Variants in PIK3C2A observed in about 807,000 individuals in gnomAD.
The protein encoded by PIK3C2A is phosphatidylinositol 4-phosphate 3-kinase C2 domain-containing subunit alpha.
A neutral mutation model predicts 204.5 loss-of-function variants in PIK3C2A; 97 were observed. The observed-to-expected ratio is 0.47, with a 90% confidence interval of 0.40 to 0.56. The LOEUF (loss-of-function observed/expected upper bound fraction) is 0.56. PIK3C2A is among the 20% of genes least tolerant of loss of function. The pLI, the probability that PIK3C2A is intolerant of heterozygous loss-of-function variation, is 0.00. For missense variants in PIK3C2A, 1,735 were observed against 1,969.2 expected (o/e 0.88, Z 2.25); for synonymous variants, 653 against 664.4 (o/e 0.98, Z 0.26).
At chr11:17,127,462 C>T (rs539100635) in intron 13 of PIK3C2A, among the ~76,000 whole-genome samples, 4 of 152,174 alleles carry the variant, frequency 2.6e-5, no homozygotes, top group South Asian at 4.2e-4. Context: ...ATGTGCGCCA[C>T]CACACCTGGC....
intron 12 of PIK3C2A, among the ~76,000 whole-genome samples, chr11:17,130,138 T>C (rs1292406094): frequency 6.6e-6 from 1 of 152,144 alleles, no homozygotes; most frequent in African/African-American, 2.4e-5. Flanking sequence ...ATGTAAGAAT[T>C]CACACAAACA....
intron 1 of PIK3C2A, among the ~76,000 whole-genome samples, chr11:17,174,589 G>A (rs1163310145): frequency 1.1e-4 from 1 of 8,718 alleles, no homozygotes; most frequent in Non-Finnish European, 1.7e-4. Flanking sequence ...GCGAGACTCC[G>A]TCTCAAAAAA....
In PIK3C2A at chr11:17,114,444, C is replaced by T; in HGVS notation, c.3238G>A (p.Glu1080Lys). 1 of 1,564,312 alleles carries T rather than the reference C, an allele frequency of 6.4e-7. No homozygotes were observed. Among genetic ancestry groups the T allele is most frequent in the Admixed American group, 1.7e-5 (1 of 59,934 alleles). Residue 1080 changes from glutamate to lysine, a missense_variant, in exon 20 of 33, where the codon GAA becomes AAA. By Grantham distance (56) the Glu-to-Lys change is moderately conservative. Coordinates refer to ENST00000691414, the MANE Select transcript of PIK3C2A (RefSeq NM_002645.4). ...ARQVVLQRSM[E>K]RVQSFFQKNK... ...TTCTGAAAAAAGGACTGTACTCGTT[C>T]CATACTTCTTTGGAGAACAACCTAT...
rs2137250349 is a variant in PIK3C2A, at chr11:17,087,330, T to C, written c.*2408A>G. The C allele has an allele frequency of 6.6e-6, 1 of 152,312 alleles. No homozygotes were observed. Among genetic ancestry groups the C allele is most frequent in the Admixed American group, 6.5e-5 (1 of 15,292 alleles). 9.4% of individuals were successfully genotyped at this position (152,312 alleles called of 1,614,324 possible). The stretch of plus-strand genomic sequence containing the variant: ...AGTGCAAAGAGGCTCCACTCTACTT[T>C]TTGGTACGGGCTGAAGATTAGCATT... On this transcript the variant is annotated 3_prime_UTR_variant, in exon 33 of 33. Transcript: ENST00000691414.
rs1315363882 is a variant in PIK3C2A, at chr11:17,165,786, A to G, written c.1065+2891T>C. The stretch of plus-strand genomic sequence containing the variant: ...GAGAAACTGTCTCAAAAAAGTGAAA[A>G]AAAAAAAAAAAAAAAAAAAAAAGGG... On this transcript the variant is annotated intron_variant, in intron 2 of 32. Transcript: ENST00000691414. 9.1e-3 allele frequency among the ~76,000 whole-genome samples: 21 copies of G among 2,320 alleles called. 1 individual carries two copies. The highest frequency in any genetic ancestry group is 0.028 in the Non-Finnish European group (6 of 216). 1.5% of individuals were successfully genotyped at this position (2,320 alleles called of 152,430 possible). A position where few individuals can be genotyped will look rare whatever the true frequency, so the allele number is the denominator to read the frequency against.
chr11:17,176,213 G>C (rs955531588), intron 1 of PIK3C2A, among the ~76,000 whole-genome samples: 3 of 151,606 alleles, frequency 2.0e-5, no homozygotes, highest in African/African-American at 7.3e-5. Flanking sequence ...CACCATGTTG[G>C]CCAGGCTGGT....
At chr11:17,145,639 A>T in intron 8 of PIK3C2A, 29 bp downstream of exon 8, 1 of 1,402,794 alleles carries the variant, frequency 7.1e-7, no homozygotes, top group Non-Finnish European at 1.0e-6. Flanking sequence ...TCTTTAAGTC[A>T]TTATGCCAAA....
At chr11:17,124,673 G>A (rs1026110973) in intron 13 of PIK3C2A, among the ~76,000 whole-genome samples, 1 of 152,192 alleles carries the variant, frequency 6.6e-6, no homozygotes, top group South Asian at 2.1e-4. Flanking sequence ...ATGCTCATTT[G>A]TTAATGTACT....
chr11:17,105,901 G>A (rs1263985753), intron 22 of PIK3C2A, among the ~76,000 whole-genome samples: 1 of 152,126 alleles, frequency 6.6e-6, no homozygotes, highest in African/African-American at 2.4e-5. Flanking sequence ...TTGAGGTCAG[G>A]AGTTTGAGAC....
intron 2 of PIK3C2A, among the ~76,000 whole-genome samples, chr11:17,158,386 T>TAC (rs1000147293): frequency 4.0e-5 from 6 of 148,666 alleles, no homozygotes; most frequent in African/African-American, 1.5e-4. Context: ...TATATATATA[T>TAC]AATTATATAT....
intron 8 of PIK3C2A, among the ~76,000 whole-genome samples, chr11:17,137,814 T>G (rs970047350): frequency 1.3e-5 from 2 of 152,122 alleles, no homozygotes; most frequent in Admixed American, 6.5e-5. Flanking sequence ...TATAAACATT[T>G]CTCTTTGCCA....
intron 4 of PIK3C2A, among the ~76,000 whole-genome samples, chr11:17,149,091 G>A (rs1850346872): frequency 6.6e-6 from 1 of 152,012 alleles, no homozygotes; most frequent in Non-Finnish European, 1.5e-5. Flanking sequence ...AACTGCATCT[G>A]TACTGAATAT....
intron 30 of PIK3C2A, 147 bp from the exon 31 acceptor site, chr11:17,091,803 A>G: frequency 3.0e-6 from 2 of 663,676 alleles, no homozygotes; most frequent in Non-Finnish European, 5.2e-6. Context: ...TAGGTCATTG[A>G]TTTATACTTC....
chr11:17,102,078 G>A lies in PIK3C2A; in HGVS notation c.3851+584C>T, dbSNP rs565317032. 1.2e-4 allele frequency among the ~76,000 whole-genome samples: 19 copies of A among 152,156 alleles called. No individual in the cohort carries two copies. In the South Asian group the frequency reaches 2.9e-3, roughly 23 times the overall value. On this transcript the variant is annotated intron_variant, in intron 24 of 32. Transcript: ENST00000691414. The stretch of plus-strand genomic sequence containing the variant: ...AACTACTTACTGCCGTTATACACAC[G>A]AAATCATTTCTTTCTAAGAGTTATC...
In PIK3C2A at chr11:17,129,227, CCTT is replaced by C. The variant is rs983073927; in HGVS notation, c.2399+70_2399+72del. 7.8e-5 allele frequency: 96 copies of C among 1,225,924 alleles called. 1 individual carries two copies. The East Asian group carries it at 1.2e-3, about 15-fold the overall frequency. The allele number at this position is 1,225,924 out of a possible 1,614,324, so 75.9% of individuals were successfully genotyped here. ...CTCATCTATGTTCCTCCCCTCACCT[CCTT>C]GTCATCTAGCCAATTCTGATGTGCA... On this transcript the variant is annotated intron_variant, in intron 13 of 32. Transcript: ENST00000691414.
intron 2 of PIK3C2A, among the ~76,000 whole-genome samples, chr11:17,160,365 C>T (rs1850734804): frequency 6.6e-6 from 1 of 152,070 alleles, no homozygotes; most frequent in Non-Finnish European, 1.5e-5. Context: ...AGTAGATTTA[C>T]CCAGGGCAAC....
chr11:17,178,849 C>A (rs1224129654), intron 1 of PIK3C2A, among the ~76,000 whole-genome samples: 2 of 151,244 alleles, frequency 1.3e-5, no homozygotes, highest in Non-Finnish European at 2.9e-5. Context: ...CCTGCCTCAG[C>A]CTCCCGAGTA....
At chr11:17,103,206 AT>A (rs77850304) in intron 23 of PIK3C2A, among the ~76,000 whole-genome samples, 144,675 of 151,312 alleles carry the variant, frequency 0.96, 69,791 homozygotes, top group African/African-American at 0.99. Flanking sequence ...TGGATAGAAG[AT>A]TTTTTGCTTT....
Position 17,089,676 on chromosome 11 carries a change from TGTGC to T in PIK3C2A, c.*58_*61del. 5.5e-6 allele frequency: 5 copies of T among 908,960 alleles called. No homozygotes were observed. Among genetic ancestry groups the T allele is most frequent in the Non-Finnish European group, 8.8e-6 (5 of 565,562 alleles). The allele number at this position is 908,960 out of a possible 1,614,324, so 56.3% of individuals were successfully genotyped here. ...GTGTGTGTGTGTGTGTCTGTGTGTG[TGTGC>T]ATGTATGCATGCACGTTTATAACTG... On this transcript the variant is annotated 3_prime_UTR_variant, in exon 33 of 33. Transcript: ENST00000691414.
Sources: gnomAD v4.1 joint callset for allele counts (sites outside exome capture counted in the v4.1 genomes callset) on GRCh38, gnomAD v4.1.1 for gene constraint, MANE v1.5 for transcripts, NCBI Gene and HGNC (gene_info 2026-07-23, HGNC 2026-07-21) for gene names.